Variants in CTXND1 observed in about 807,000 individuals in gnomAD.
CTXND1 encodes the protein cortexin domain containing 1, also known as cortexin domain-containing 1 protein.
In CTXND1 at chr15:80,200,839, A is replaced by C. The variant is rs938071790; in HGVS notation, c.*931T>G. ...GGCGAAATCATTTTGTGTGAGGAAAAAATAGTGGAAAATAATTAAATATGC... is the reference window on the plus strand; with the variant it reads ...GGCGAAATCATTTTGTGTGAGGAAACAATAGTGGAAAATAATTAAATATGC... On this transcript the variant is annotated 3_prime_UTR_variant, in exon 3 of 3. Transcript: ENST00000560778. 3.0e-4 allele frequency: 46 copies of C among 152,158 alleles called. No individual in the cohort carries two copies. Among genetic ancestry groups the C allele is most frequent in the African/African-American group, 1.1e-3 (46 of 41,434 alleles). The allele number at this position is 152,158 out of a possible 1,614,324, so 9.4% of individuals were successfully genotyped here.
chr15:80,229,005 A>G (rs1893401454), intron 1 of CTXND1, among the ~76,000 whole-genome samples: 3 of 152,182 alleles, frequency 2.0e-5, no homozygotes, highest in Admixed American at 2.0e-4. Context: ...TTTTCAGATT[A>G]GCGATGCTTA....
chr15:80,234,566 C>A (rs1051807487), intron 1 of CTXND1, among the ~76,000 whole-genome samples: 1 of 151,432 alleles, frequency 6.6e-6, no homozygotes, highest in African/African-American at 2.4e-5. Context: ...CAACGTCTAC[C>A]TCCCGGGTTC....
chr15:80,232,449 TAACA>T (rs1396125611), intron 1 of CTXND1, among the ~76,000 whole-genome samples: 1 of 152,204 alleles, frequency 6.6e-6, no homozygotes, highest in Admixed American at 6.5e-5. Flanking sequence ...TACTTAACAC[TAACA>T]AACAGCCTTT....
chr15:80,246,640 T>TGG (rs5814011), intron 1 of CTXND1, among the ~76,000 whole-genome samples: 1 of 152,124 alleles, frequency 6.6e-6, no homozygotes, highest in African/African-American at 2.4e-5. Context: ...CTGTGGACTT[T>TGG]GGGGATTTGG....
rs2041440228 is a variant in CTXND1 at position 80,199,936 on chromosome 15, G to A, written c.*1834C>T. The A allele has an allele frequency of 6.6e-6, 1 of 152,292 alleles. No homozygotes were observed. The highest frequency in any genetic ancestry group is 2.1e-4 in the South Asian group (1 of 4,832). 9.4% of individuals were successfully genotyped at this position (152,292 alleles called of 1,614,324 possible). On this transcript the variant is annotated 3_prime_UTR_variant, in exon 3 of 3. Transcript: ENST00000560778. ...GGGATGGAAGGCCACAGCTTGGAGG[G>A]ATGGAATAAATGCACTCAGAGGAAG... is the stretch of plus-strand genomic sequence containing the variant.
In CTXND1 at chr15:80,196,632, T is replaced by C. The variant is rs2041421905; in HGVS notation, c.*5138A>G. On this transcript the variant is annotated 3_prime_UTR_variant, in exon 3 of 3. Coordinates refer to ENST00000560778, the MANE Select transcript of CTXND1 (RefSeq NM_001352888.2). ...GACAATATGGCTGCTGGTGAGATTT[T>C]ATGTTTCCCCTGTGCCGGGGACAAA... 6.6e-6 allele frequency: 1 copy of C among 152,258 alleles called. No individual in the cohort carries two copies. Among genetic ancestry groups the C allele is most frequent in the Non-Finnish European group, 1.5e-5 (1 of 68,046 alleles). 9.4% of individuals were successfully genotyped at this position (152,258 alleles called of 1,614,324 possible). A position where few individuals can be genotyped will look rare whatever the true frequency, so the allele number is the denominator to read the frequency against.
intron 1 of CTXND1, among the ~76,000 whole-genome samples, chr15:80,227,061 T>G (rs918448362): frequency 2.6e-5 from 4 of 152,202 alleles, no homozygotes; most frequent in Non-Finnish European, 5.9e-5. Context: ...TGAGTGCACA[T>G]AGCAGATGCT....
chr15:80,235,455 G>A (rs570086639), intron 1 of CTXND1, among the ~76,000 whole-genome samples: 7 of 152,122 alleles, frequency 4.6e-5, no homozygotes, highest in Admixed American at 2.0e-4. Flanking sequence ...GAAAGAGCTC[G>A]CCCTAAATTA....
At chr15:80,247,182 T>C (rs1412361628) in intron 1 of CTXND1, among the ~76,000 whole-genome samples, 1 of 152,088 alleles carries the variant, frequency 6.6e-6, no homozygotes, top group Non-Finnish European at 1.5e-5. Context: ...CCTAGGAGAA[T>C]ATCTCCAAGG....
chr15:80,209,008 C>G (rs902823304), intron 1 of CTXND1, among the ~76,000 whole-genome samples: 3 of 152,302 alleles, frequency 2.0e-5, no homozygotes, highest in African/African-American at 7.2e-5. Flanking sequence ...TCTGAAATCT[C>G]AGGCTCTGCC....
chr15:80,241,816 T>C (rs116782958), intron 1 of CTXND1, among the ~76,000 whole-genome samples: 86 of 152,338 alleles, frequency 5.6e-4, no homozygotes, highest in African/African-American at 2.0e-3. Context: ...GAAACCTGCC[T>C]AGTGCAGATT....
chr15:80,233,848 T>C lies in CTXND1; in HGVS notation c.-218+18159A>G, dbSNP rs193021362. Among the ~76,000 whole-genome samples, 43 of 152,354 alleles carry C rather than the reference T, an allele frequency of 2.8e-4. No homozygotes were observed. The East Asian group carries it at 6.4e-3, about 23-fold the overall frequency. ...GAATTGCAGGATTCCTCTGCATGCG[T>C]GAAGACATTTAACAGGACAGATGAC... is the stretch of plus-strand genomic sequence containing the variant. On this transcript the variant is annotated intron_variant, in intron 1 of 2. Transcript: ENST00000560778.
chr15:80,208,478 T>C (rs2142123948), intron 1 of CTXND1, among the ~76,000 whole-genome samples: 1 of 152,356 alleles, frequency 6.6e-6, no homozygotes, highest in African/African-American at 2.4e-5. Context: ...TTTTTTTTGT[T>C]TGAGAAATTT....
At chr15:80,228,734 A>G (rs1047804058) in intron 1 of CTXND1, among the ~76,000 whole-genome samples, 1 of 150,934 alleles carries the variant, frequency 6.6e-6, no homozygotes, top group Admixed American at 6.6e-5. Flanking sequence ...GGTTCAAGCA[A>G]TTCTCTGCCT....
chr15:80,225,418 A>C (rs1275370739), intron 1 of CTXND1, among the ~76,000 whole-genome samples: 4 of 150,676 alleles, frequency 2.7e-5, no homozygotes, highest in Non-Finnish European at 4.5e-5. Context: ...AGCTCAAAGA[A>C]ATTTTTCCCC....
chr15:80,230,953 G>A (rs996822037), intron 1 of CTXND1, among the ~76,000 whole-genome samples: 1 of 152,068 alleles, frequency 6.6e-6, no homozygotes, highest in Non-Finnish European at 1.5e-5. Context: ...TGCTACTCAG[G>A]AGGCCGAGGA....
At chr15:80,250,575 C>T (rs1893681740) in intron 1 of CTXND1, among the ~76,000 whole-genome samples, 1 of 152,220 alleles carries the variant, frequency 6.6e-6, no homozygotes, top group South Asian at 2.1e-4. Context: ...GAAACAACAA[C>T]ATATGAATGC....
intron 1 of CTXND1, among the ~76,000 whole-genome samples, chr15:80,245,287 T>G (rs1893616250): frequency 6.6e-6 from 1 of 152,170 alleles, no homozygotes; most frequent in Non-Finnish European, 1.5e-5. Context: ...ACCTTGACAG[T>G]AGCAAGTTTG....
intron 1 of CTXND1, among the ~76,000 whole-genome samples, chr15:80,223,505 T>G (rs1210568753): frequency 6.6e-6 from 1 of 152,268 alleles, no homozygotes; most frequent in Admixed American, 6.5e-5. Flanking sequence ...TGATGAATAG[T>G]GCTGCTAAGA....
Sources: allele counts gnomAD v4.1 joint callset (sites outside exome capture counted in the v4.1 genomes callset), GRCh38; gene constraint gnomAD v4.1.1; transcripts MANE v1.5; gene names NCBI Gene and HGNC (gene_info 2026-07-23, HGNC 2026-07-21).